FOCAD: variants seen among roughly 807,000 people sequenced by gnomAD.
FOCAD encodes the protein KIAA1797.
In FOCAD, 198 loss-of-function variants were observed where a neutral mutation model predicts 225.6. The ratio of observed to expected loss-of-function variants is 0.88; its 90% CI spans 0.78 to 0.99. FOCAD has a LOEUF of 0.99. Among genes scored for constraint, FOCAD ranks in the 50% least tolerant of loss-of-function variants. The pLI, the probability that FOCAD is intolerant of heterozygous loss-of-function variation, is 0.00. For synonymous variants in FOCAD, 897 were observed against 755.0 expected (o/e 1.19, Z -3.08); for missense variants, 2,713 against 2,123.6 (o/e 1.28, Z -5.46).
intron 8 of FOCAD, among the ~76,000 whole-genome samples, chr9:20,773,490 A>T (rs964891316): frequency 6.6e-6 from 1 of 152,344 alleles, no homozygotes; most frequent in Non-Finnish European, 1.5e-5. Flanking sequence ...CAAATAGCAC[A>T]TAGATCAAAA....
At chr9:20,899,089 C>G (rs1374919577) in intron 21 of FOCAD, among the ~76,000 whole-genome samples, 1 of 151,838 alleles carries the variant, frequency 6.6e-6, no homozygotes, top group Non-Finnish European at 1.5e-5. Context: ...TGGTTAGGTG[C>G]TGATAAAACT....
intron 10 of FOCAD, among the ~76,000 whole-genome samples, chr9:20,786,176 G>A (rs1023660642): frequency 6.6e-6 from 1 of 151,928 alleles, no homozygotes; most frequent in African/African-American, 2.4e-5. Flanking sequence ...TGTTTTTTTG[G>A]CACAATATTT....
intron 35 of FOCAD, among the ~76,000 whole-genome samples, chr9:20,969,839 T>C (rs57047551): frequency 0.011 from 1,730 of 151,976 alleles, 38 homozygotes; most frequent in African/African-American, 0.039. Flanking sequence ...TTTAGTGTCC[T>C]TTTATTTTAG....
chr9:20,982,370 A>C lies in FOCAD; in HGVS notation c.4652A>C (p.Glu1551Ala). The change falls in exon 39 of 44, where the codon GAG (glutamate) becomes GCG (alanine). Residue 1551 changes from glutamate to alanine, a missense_variant. Physicochemically the swap from Glu to Ala is moderately radical, Grantham distance 107 (BLOSUM62 -1). Coordinates refer to ENST00000338382, the MANE Select transcript of FOCAD (RefSeq NM_001375567.1). ...LPNKIRRKDL[E>A]LYISIAKCLL... ...TTTCTTTATCAGAGAAAGGATCTAG[A>C]GCTGTATATCAGCATAGCAAAATGC... 3.1e-6 allele frequency: 5 copies of C among 1,612,848 alleles called. No homozygotes were observed. The highest frequency in any genetic ancestry group is 4.2e-6 in the Non-Finnish European group (5 of 1,178,906).
chr9:20,877,790 A>T (rs1365383571), intron 19 of FOCAD, among the ~76,000 whole-genome samples: 1 of 152,120 alleles, frequency 6.6e-6, no homozygotes. Flanking sequence ...GACACCTGTA[A>T]TTCCAGCTAC....
chr9:20,832,602 T>G (rs545407057), intron 15 of FOCAD, among the ~76,000 whole-genome samples: 1 of 152,088 alleles, frequency 6.6e-6, no homozygotes, highest in Non-Finnish European at 1.5e-5. Context: ...TATTATTGAC[T>G]GTAGTCACTC....
chr9:20,881,970 A>G lies in FOCAD; in HGVS notation c.2417A>G (p.Gln806Arg). 6.2e-7 allele frequency: 1 copy of G among 1,614,010 alleles called. No homozygotes were observed. Among genetic ancestry groups the G allele is most frequent in the Non-Finnish European group, 8.5e-7 (1 of 1,179,914 alleles). The change falls in exon 20 of 44, where the codon CAA (glutamine) becomes CGA (arginine). Residue 806 changes from glutamine to arginine, a missense_variant. Transcript: ENST00000338382. Reference sequence around the variant, plus strand: ...TTAAAAGGAGGTGCCCGCTCAGACCAAGGAAAGACTGTAGCAGGAATCCCC... The same window carrying G: ...TTAAAAGGAGGTGCCCGCTCAGACCGAGGAAAGACTGTAGCAGGAATCCCC... ...SALKGGARSD[Q>R]GKTVAGIPNF...
chr9:20,826,905 T>C (rs1484294678), intron 15 of FOCAD, among the ~76,000 whole-genome samples: 1 of 152,166 alleles, frequency 6.6e-6, no homozygotes, highest in African/African-American at 2.4e-5. Context: ...CTCTTTTTCA[T>C]ATCTTTTCCA....
At chr9:20,791,253 A>ACACAC in intron 11 of FOCAD, among the ~76,000 whole-genome samples, 1 of 151,442 alleles carries the variant, frequency 6.6e-6, no homozygotes, top group Non-Finnish European at 1.5e-5. Context: ...ACACACACAC[A>ACACAC]CACACACACA....
intron 35 of FOCAD, among the ~76,000 whole-genome samples, chr9:20,973,104 G>C (rs1179822405): frequency 6.9e-6 from 1 of 144,258 alleles, no homozygotes; most frequent in Non-Finnish European, 1.5e-5. Flanking sequence ...GCCTTGTTCT[G>C]ATTCCCTCTT....
At chr9:20,768,286 T>G (rs1490132310) in intron 7 of FOCAD, among the ~76,000 whole-genome samples, 2 of 151,328 alleles carry the variant, frequency 1.3e-5, no homozygotes, top group African/African-American at 4.9e-5. Context: ...TTCTTTTGGC[T>G]TAGGATTGAC....
At chr9:20,811,459 A>G (rs1823068284) in intron 11 of FOCAD, among the ~76,000 whole-genome samples, 2 of 152,134 alleles carry the variant, frequency 1.3e-5, no homozygotes, top group Non-Finnish European at 2.9e-5. Flanking sequence ...CTAGAGTGAT[A>G]TATCACTATA....
intron 9 of FOCAD, among the ~76,000 whole-genome samples, chr9:20,779,077 T>C (rs1430910506): frequency 6.6e-6 from 1 of 152,220 alleles, no homozygotes; most frequent in Non-Finnish European, 1.5e-5. Context: ...AATGGAAAGC[T>C]TTAGTATAAA....
Position 20,781,749 on chromosome 9 carries a change from T to C in FOCAD, c.1017T>C (p.Thr339=), listed in dbSNP as rs763454228. The change falls in exon 10 of 44, where the codon ACT becomes ACC. Residue 339 remains threonine, a synonymous_variant. Transcript: ENST00000338382. ...LNLALKLLSV[T]EDQKIPKSSL... is the part of the protein sequence containing the mutation. ...TAGCTTTGAAGCTCCTCTCTGTTACTGAGGATCAGAAAATCCCAAAGTCCT... is the reference window on the plus strand; with the variant it reads ...TAGCTTTGAAGCTCCTCTCTGTTACCGAGGATCAGAAAATCCCAAAGTCCT... 2 of 1,613,834 alleles carry C rather than the reference T, an allele frequency of 1.2e-6. No individual in the cohort carries two copies. Among genetic ancestry groups the C allele is most frequent in the Non-Finnish European group, 1.7e-6 (2 of 1,179,914 alleles).
At chr9:20,839,622 T>G (rs976506477) in intron 15 of FOCAD, among the ~76,000 whole-genome samples, 4 of 151,418 alleles carry the variant, frequency 2.6e-5, no homozygotes, top group Non-Finnish European at 5.9e-5. Context: ...TTACTTTCCC[T>G]TTTTTTTGAA....
chr9:20,946,906 T>C, intron 30 of FOCAD, 86 bp downstream of exon 30: 1 of 1,493,766 alleles, frequency 6.7e-7, no homozygotes, highest in Non-Finnish European at 9.1e-7. Flanking sequence ...AATTAGAGTA[T>C]AATGGGATAT....
chr9:20,821,929 G>A (rs989366820), intron 14 of FOCAD, among the ~76,000 whole-genome samples: 1 of 124,096 alleles, frequency 8.1e-6, no homozygotes, highest in Admixed American at 9.4e-5. Context: ...CTAAGCCCTA[G>A]CATTTTTACC....
At chr9:20,916,603 A>G (rs1260093778) in intron 23 of FOCAD, among the ~76,000 whole-genome samples, 4 of 152,146 alleles carry the variant, frequency 2.6e-5, no homozygotes, top group Non-Finnish European at 5.9e-5. Context: ...ACACTTGTAT[A>G]CTCACCACGC....
At chr9:20,914,475 T>G (rs1458638532) in intron 23 of FOCAD, among the ~76,000 whole-genome samples, 1 of 152,180 alleles carries the variant, frequency 6.6e-6, no homozygotes, top group African/African-American at 2.4e-5. Flanking sequence ...ATTACCATTT[T>G]CTGTACGGTG....
Sources: gnomAD v4.1 joint callset for allele counts (sites outside exome capture counted in the v4.1 genomes callset) on GRCh38, gnomAD v4.1.1 for gene constraint, MANE v1.5 for transcripts, NCBI Gene and HGNC (gene_info 2026-07-23, HGNC 2026-07-21) for gene names.